GALNS: variants seen among roughly 807,000 people sequenced by gnomAD.
GALNS encodes the protein N-acetylgalactosamine-6-sulfatase.
GALNS carries 65 observed loss-of-function variants against 65.9 expected under a neutral mutation model. That is an observed-to-expected ratio of 0.99 (90% CI 0.81 to 1.21). The LOEUF (loss-of-function observed/expected upper bound fraction) is 1.21, where lower values mean the gene tolerates loss of function less well. Among genes scored for constraint, GALNS ranks in the 50% most tolerant of loss-of-function variants. The pLI is 0.00. For synonymous variants in GALNS, 346 were observed against 288.9 expected (o/e 1.20, Z -2.00); for missense variants, 776 against 700.7 (o/e 1.11, Z -1.21).
chr16:88,852,851 A>T (rs1328661321), intron 1 of GALNS, among the ~76,000 whole-genome samples: 2 of 152,220 alleles, frequency 1.3e-5, no homozygotes, highest in Non-Finnish European at 2.9e-5. Context: ...GCTACTCAGG[A>T]GGCTGAGGCA....
At chr16:88,829,958 C>T (rs925680377) in intron 9 of GALNS, among the ~76,000 whole-genome samples, 56 of 152,246 alleles carry the variant, frequency 3.7e-4, no homozygotes, top group Middle Eastern at 3.4e-3. Context: ...AGGCGCCGGG[C>T]GCGGTGGCTC....
chr16:88,814,671 G>C lies in GALNS; in HGVS notation c.1483-146C>G, dbSNP rs1245808432. 1.4e-5 allele frequency: 18 copies of C among 1,295,200 alleles called. No homozygotes were observed. In the South Asian group the frequency reaches 2.3e-4, roughly 17 times the overall value. The allele number at this position is 1,295,200 out of a possible 1,614,324, so 80.2% of individuals were successfully genotyped here. A position where few individuals can be genotyped will look rare whatever the true frequency, so the allele number is the denominator to read the frequency against. ...TTCAGTGGCGCGATCTTGGCTCACTGCAACCTCTGCCTTCCGGGTTCAAGA... is the reference window on the plus strand; with the variant it reads ...TTCAGTGGCGCGATCTTGGCTCACTCCAACCTCTGCCTTCCGGGTTCAAGA... On this transcript the variant is annotated intron_variant, in intron 13 of 13. Transcript: ENST00000268695.
intron 1 of GALNS, among the ~76,000 whole-genome samples, chr16:88,849,612 G>A (rs1967413649): frequency 6.6e-6 from 1 of 152,134 alleles, no homozygotes; most frequent in Non-Finnish European, 1.5e-5. Flanking sequence ...TGGTAGAGAT[G>A]GAGTTTTGCC....
chr16:88,852,535 C>G (rs984750042), intron 1 of GALNS, among the ~76,000 whole-genome samples: 9 of 152,254 alleles, frequency 5.9e-5, no homozygotes, highest in African/African-American at 1.9e-4. Flanking sequence ...GAGAATGACT[C>G]TGACGAGCTG....
chr16:88,842,016 G>A (rs778789261), intron 2 of GALNS, 45 bp from the exon 3 acceptor site: 45 of 1,547,738 alleles, frequency 2.9e-5, no homozygotes, highest in Non-Finnish European at 3.7e-5. Context: ...GAAGGGTGTG[G>A]CTCAGACCCC....
Position 88,837,753 on chromosome 16 carries a change from G to A in GALNS, c.435C>T (p.His145=). ...GCTTCAGGGGGTGGAACTGGGGCCT[G>A]TGACCCAGATGCCTGGAAACAGGAA... ...SKIVGKWHLG[H]RPQFHPLKHG... The change falls in exon 5 of 14, where the codon CAC becomes CAT. Residue 145 remains histidine, a synonymous_variant. Transcript: ENST00000268695. 1.2e-6 allele frequency: 2 copies of A among 1,613,998 alleles called. No homozygotes were observed. Among genetic ancestry groups the A allele is most frequent in the Admixed American group, 1.7e-5 (1 of 60,022 alleles).
At chr16:88,853,896 C>A (rs1967630011) in intron 1 of GALNS, among the ~76,000 whole-genome samples, 1 of 152,234 alleles carries the variant, frequency 6.6e-6, no homozygotes. Flanking sequence ...GTCCCAGCTT[C>A]CCCTTCTGGT....
chr16:88,841,241 T>A lies in GALNS; in HGVS notation c.320-147A>T, dbSNP rs111305495. ...AAAGGCTGTGCCTGGGGGCTGCGCG[T>A]CCACAGGGCATGGCACTTCCCAAGA... On this transcript the variant is annotated intron_variant, in intron 3 of 13. Coordinates refer to ENST00000268695, the MANE Select transcript of GALNS (RefSeq NM_000512.5). The A allele has an allele frequency of 8.5e-6, 6 of 709,954 alleles. No homozygotes were observed. In the East Asian group the frequency reaches 1.6e-4, roughly 19 times the overall value. The allele number at this position is 709,954 out of a possible 1,614,324, so 44.0% of individuals were successfully genotyped here. A position where few individuals can be genotyped will look rare whatever the true frequency, so the allele number is the denominator to read the frequency against.
chr16:88,834,398 C>G (rs201545975), intron 8 of GALNS, among the ~76,000 whole-genome samples: 5 of 106,328 alleles, frequency 4.7e-5, no homozygotes, highest in Non-Finnish European at 8.1e-5. Context: ...AGGGCCCCCC[C>G]GCGTGGTCTG....
rs111726280 is a variant in GALNS at position 88,843,086 on chromosome 16, T to G, written c.121-257A>C. 1,051 of 1,500,476 alleles carry G rather than the reference T, an allele frequency of 7.0e-4. 4 individuals carry two copies. In the African/African-American group the frequency reaches 0.013, roughly 19 times the overall value. The allele number at this position is 1,500,476 out of a possible 1,614,324, so 92.9% of individuals were successfully genotyped here. A position where few individuals can be genotyped will look rare whatever the true frequency, so the allele number is the denominator to read the frequency against. ...GCCGCTCCACGGTCAGCCCACGCTG[T>G]CTTTCGCCTCCACTTCTGCTTGGTC... On this transcript the variant is annotated intron_variant, in intron 1 of 13. Transcript: ENST00000268695.
chr16:88,848,975 G>A (rs1020688462), intron 1 of GALNS, among the ~76,000 whole-genome samples: 1 of 152,262 alleles, frequency 6.6e-6, no homozygotes, highest in Middle Eastern at 3.2e-3. Flanking sequence ...CAGCTTGGCA[G>A]GGTGGCCGCT....
In GALNS at chr16:88,824,824, G is replaced by A. The variant is rs201679036; in HGVS notation, c.1185C>T (p.Leu395=). The change falls in exon 11 of 14, where the codon CTC becomes CTT. Residue 395 remains leucine (L), a synonymous_variant. Transcript: ENST00000268695. ...TCCAGAAGTGAGCCTTGTGCTGCCC[G>A]AGGGTGGCCGCCATCAGCGTGTCGC... The part of the protein sequence containing the change: ...YRGDTLMAAT[L]GQHKAHFWTW... 9 of 1,613,286 alleles carry A rather than the reference G, an allele frequency of 5.6e-6. No homozygotes were observed. Among genetic ancestry groups the A allele is most frequent in the South Asian group, 3.3e-5 (3 of 91,094 alleles).
In GALNS at chr16:88,823,659, G is replaced by A. The variant is rs1171741555; in HGVS notation, c.1243-949C>T. ...GACGGCCCTCGCAGGCGGCAATGCC[G>A]GGGACCGATGCCCAGGACGGCCCTC... On this transcript the variant is annotated intron_variant, in intron 11 of 13. Coordinates refer to ENST00000268695, the MANE Select transcript of GALNS (RefSeq NM_000512.5). Among the ~76,000 whole-genome samples, 7 of 65,502 alleles carry A rather than the reference G, an allele frequency of 1.1e-4. No individual in the cohort carries two copies. The South Asian group carries it at 3.7e-3, about 35-fold the overall frequency. 43.0% of individuals were successfully genotyped at this position (65,502 alleles called of 152,430 possible). A position where few individuals can be genotyped will look rare whatever the true frequency, so the allele number is the denominator to read the frequency against.
At chr16:88,850,714 C>T (rs560459936) in intron 1 of GALNS, among the ~76,000 whole-genome samples, 101 of 152,348 alleles carry the variant, frequency 6.6e-4, no homozygotes, top group Admixed American at 6.5e-3. Context: ...CAGGCGGAGC[C>T]ACACGGGACG....
At chr16:88,827,766 C>T (rs1911084653) in intron 9 of GALNS, among the ~76,000 whole-genome samples, 1 of 152,144 alleles carries the variant, frequency 6.6e-6, no homozygotes, top group Admixed American at 6.5e-5. Context: ...CTCGGGGGCT[C>T]CAGGCTTGGG....
rs1179607599 is a variant in GALNS, at chr16:88,836,105, G to C, written c.633+96C>G. The stretch of plus-strand genomic sequence containing the variant: ...CCCATGCCTCCCACGGGGTGAGGTT[G>C]ATGCATTCCTGTCCCCACGCCTCCC... On this transcript the variant is annotated intron_variant, in intron 6 of 13. Transcript: ENST00000268695. 11 of 1,236,062 alleles carry C rather than the reference G, an allele frequency of 8.9e-6. No individual in the cohort carries two copies. The African/African-American group carries it at 1.4e-4, about 15-fold the overall frequency. 76.6% of individuals were successfully genotyped at this position (1,236,062 alleles called of 1,614,324 possible).
At chr16:88,817,431 C>T (rs1909746460) in intron 13 of GALNS, 2 of 985,424 alleles carry the variant, frequency 2.0e-6, no homozygotes, top group African/African-American at 3.5e-5. Context: ...TGAGTGAGAT[C>T]AGGTCTGATG....
At chr16:88,836,737 G>A (rs1011722865) in intron 5 of GALNS, among the ~76,000 whole-genome samples, 20 of 152,226 alleles carry the variant, frequency 1.3e-4, no homozygotes, top group African/African-American at 1.9e-4. Flanking sequence ...GCTCCCCCAG[G>A]GCACGGTCTT....
At chr16:88,820,022 C>T (rs745723060) in intron 12 of GALNS, among the ~76,000 whole-genome samples, 4 of 151,364 alleles carry the variant, frequency 2.6e-5, no homozygotes, top group African/African-American at 4.9e-5. Context: ...CCAGTAAGGT[C>T]TTGCTGTGTT....
Sources: gnomAD v4.1 joint callset for allele counts (sites outside exome capture counted in the v4.1 genomes callset) on GRCh38, gnomAD v4.1.1 for gene constraint, MANE v1.5 for transcripts, NCBI Gene and HGNC (gene_info 2026-07-23, HGNC 2026-07-21) for gene names.